The following AFF4 variants were observed in gnomAD, a reference collection of about 807,000 sequenced individuals.
The protein encoded by AFF4 is AF4/FMR2 family member 4.
Under a neutral mutation model 124.8 loss-of-function variants are expected in AFF4, and 13 were observed. The observed-to-expected ratio is 0.10, with a 90% CI of 0.07 to 0.17. The LOEUF is 0.17. Ranked by LOEUF, AFF4 falls within the 10% of genes least tolerant of loss-of-function variation. The probability of loss-of-function intolerance (pLI) is 1.00; values close to 1 mark genes in which losing one functional copy is unlikely to be tolerated. For missense variants in AFF4, 1,092 were observed against 1,403.8 expected, an observed-to-expected ratio of 0.78 and a Z score of 3.55; for synonymous variants, 477 against 496.1, an observed-to-expected ratio of 0.96 and a Z score of 0.51.
chr5:132,884,211 AGTT>A (rs1394777330), intron 19 of AFF4, among the ~76,000 whole-genome samples: 2 of 152,302 alleles, frequency 1.3e-5, no homozygotes, highest in Admixed American at 1.3e-4. Context: ...AAAAATCAAA[AGTT>A]GGGGTAAAAA....
intron 1 of AFF4, among the ~76,000 whole-genome samples, chr5:132,947,207 A>G (rs1761720384): frequency 6.6e-6 from 1 of 152,192 alleles, no homozygotes; most frequent in African/African-American, 2.4e-5. Context: ...GTTCAAGACC[A>G]GCCTGGCCAA....
Position 132,887,572 on chromosome 5 carries a change from T to C in AFF4, c.2954A>G (p.Asn985Ser). 6.2e-7 allele frequency: 1 copy of C among 1,613,768 alleles called. No individual in the cohort carries two copies. The highest frequency in any genetic ancestry group is 1.1e-5 in the South Asian group (1 of 91,080). The change falls in exon 17 of 21, where the codon AAT (asparagine) becomes AGT (serine). Residue 985 changes from asparagine (N) to serine (S), a missense_variant. By Grantham distance (46) the Asn-to-Ser change is conservative. Around this residue, in one of 11 missense-constraint regions of AFF4, gnomAD observed 173 missense variants for 294.9 expected, o/e 0.59. Coordinates refer to ENST00000265343, the MANE Select transcript of AFF4 (RefSeq NM_014423.4). ...DLIKYTMKLKNYLAPDATAAD... is the reference protein window; with the variant it reads ...DLIKYTMKLKSYLAPDATAAD... ...AGCTGTAGCATCTGGTGCCAAGTAA[T>C]TCTTTAGCTTCATAGTGTATCTGTT... is the stretch of plus-strand genomic sequence containing the variant.
intron 5 of AFF4, among the ~76,000 whole-genome samples, chr5:132,908,741 A>G (rs2150080625): frequency 6.8e-6 from 1 of 146,842 alleles, no homozygotes; most frequent in Non-Finnish European, 1.5e-5. Context: ...TATATAATCT[A>G]TACACTATAT....
At chr5:132,905,052 A>C (rs1341212875) in intron 5 of AFF4, among the ~76,000 whole-genome samples, 1 of 151,490 alleles carries the variant, frequency 6.6e-6, no homozygotes, top group Non-Finnish European at 1.5e-5. Context: ...CCATCTCAAA[A>C]AAAAAAAAAA....
At position 132,927,458 on chromosome 5, in the gene AFF4, A is replaced by C. The variant is rs1291194649; in HGVS notation, c.964-251T>G. ...ATGAAACCTGTGAATAGTTACAGAA[A>C]TCAGCCTGTAATCAAATACAAGGCA... On this transcript the variant is annotated intron_variant, in intron 4 of 20. Coordinates refer to ENST00000265343, the MANE Select transcript of AFF4 (RefSeq NM_014423.4). The C allele has an allele frequency of 1.0e-5, 4 of 381,688 alleles. No individual in the cohort carries two copies. The East Asian group carries it at 2.3e-4, about 22-fold the overall frequency. The allele number at this position is 381,688 out of a possible 1,614,324, so 23.6% of individuals were successfully genotyped here.
rs951095118 is a variant in AFF4, at chr5:132,875,622, CATATA to C, written c.*5432_*5436del. On this transcript the variant is annotated 3_prime_UTR_variant, in exon 21 of 21. Coordinates refer to ENST00000265343, the MANE Select transcript of AFF4 (RefSeq NM_014423.4). The stretch of plus-strand genomic sequence containing the variant: ...TCTATACTCTCAATACCACAAAATA[CATATA>C]ATATACTATACAGATGTGGAAAAAT... 6.6e-5 allele frequency: 13 copies of C among 196,460 alleles called. No individual in the cohort carries two copies. Among genetic ancestry groups the C allele is most frequent in the Admixed American group, 2.4e-4 (4 of 16,484 alleles). The allele number at this position is 196,460 out of a possible 1,614,324, so 12.2% of individuals were successfully genotyped here. A position where few individuals can be genotyped will look rare whatever the true frequency, so the allele number is the denominator to read the frequency against.
chr5:132,902,338 C>G (rs1364325138), intron 7 of AFF4, 104 bp downstream of exon 7: 1 of 966,346 alleles, frequency 1.0e-6, no homozygotes, highest in African/African-American at 1.6e-5. Context: ...GTCAGCCACC[C>G]TGCCCAGCCT....
At chr5:132,925,368 G>A (rs2150091936) in intron 5 of AFF4, among the ~76,000 whole-genome samples, 1 of 151,948 alleles carries the variant, frequency 6.6e-6, no homozygotes, top group South Asian at 2.1e-4. Context: ...AAGAGGGTAT[G>A]TTTATGATCC....
intron 1 of AFF4, chr5:132,943,068 G>A (rs958379377): frequency 1.0e-5 from 2 of 195,462 alleles, no homozygotes; most frequent in African/African-American, 2.3e-5. Flanking sequence ...ACTAGTTGAC[G>A]CCCCAAGACA....
intron 1 of AFF4, among the ~76,000 whole-genome samples, chr5:132,947,997 A>T (rs1761740678): frequency 3.3e-5 from 5 of 152,132 alleles, no homozygotes; most frequent in Admixed American, 3.3e-4. Flanking sequence ...TATTATGTGA[A>T]TTTCTTACTG....
rs1400692927 is a variant in AFF4 at position 132,897,118 on chromosome 5, C to T, written c.1512G>A (p.Lys504=). The T allele has an allele frequency of 2.5e-6, 4 of 1,614,064 alleles. No homozygotes were observed. The highest frequency in any genetic ancestry group is 3.4e-6 in the Non-Finnish European group (4 of 1,180,054). Residue 504 remains lysine (K), a synonymous_variant, in exon 11 of 21, where the codon AAG becomes AAA. Coordinates refer to ENST00000265343, the MANE Select transcript of AFF4 (RefSeq NM_014423.4). ...TCCCAGTGCCCTGCTCTCGGCCTTC[C>T]TTTTTGTAGCCTTGAGATGATGGGA... ...SNIPSSQGYK[K]EGREQGTGNS...
intron 4 of AFF4, among the ~76,000 whole-genome samples, chr5:132,928,138 C>T (rs972525638): frequency 2.0e-5 from 3 of 151,928 alleles, no homozygotes; most frequent in African/African-American, 7.3e-5. Flanking sequence ...GGGGCTCACA[C>T]TTCAAAAACT....
intron 1 of AFF4, among the ~76,000 whole-genome samples, chr5:132,952,139 T>C (rs1354214198): frequency 4.6e-5 from 7 of 152,230 alleles, no homozygotes; most frequent in Admixed American, 1.3e-4. Flanking sequence ...TCTTCTAGAA[T>C]AGACAGCTAG....
At chr5:132,932,112 AG>A in intron 4 of AFF4, 65 bp downstream of exon 4, 1 of 1,144,494 alleles carries the variant, frequency 8.7e-7, no homozygotes, top group South Asian at 1.5e-5. Flanking sequence ...AGGTAGAAAG[AG>A]GGTAAGAAGG....
At chr5:132,932,366 TTAAATA>T in intron 3 of AFF4, 144 bp from the exon 4 acceptor site, 1 of 527,388 alleles carries the variant, frequency 1.9e-6, no homozygotes, top group East Asian at 3.6e-5. Flanking sequence ...ATTAATTTCC[TTAAATA>T]TAAATTTTTC....
rs1381375783 is a variant in AFF4, at chr5:132,892,163, C to T, written c.2637+1G>A. ...AAAGCCCCAGGCCCCCAACACTTTA[C>T]CTTAACCTCCTTGGAGCTACTGGAA... is the stretch of plus-strand genomic sequence containing the variant. On this transcript the variant is annotated splice_donor_variant, in intron 13 of 20. Coordinates refer to ENST00000265343, the MANE Select transcript of AFF4 (RefSeq NM_014423.4). LOFTEE classifies it high-confidence loss of function. 1 of 1,614,160 alleles carries T rather than the reference C, an allele frequency of 6.2e-7. No homozygotes were observed. Among genetic ancestry groups the T allele is most frequent in the South Asian group, 1.1e-5 (1 of 91,084 alleles).
chr5:132,881,318 T>A (rs1405335359), intron 20 of AFF4, 132 bp from the exon 21 acceptor site: 1 of 962,920 alleles, frequency 1.0e-6, no homozygotes, highest in Admixed American at 3.1e-5. Context: ...ATGCTTACTG[T>A]CCATGTTTTA....
At position 132,887,906 on chromosome 5, in the gene AFF4, T is replaced by C; in HGVS notation, c.2873A>G (p.Lys958Arg). 6.2e-7 allele frequency: 1 copy of C among 1,613,942 alleles called. No individual in the cohort carries two copies. Among genetic ancestry groups the C allele is most frequent in the Non-Finnish European group, 8.5e-7 (1 of 1,179,976 alleles). Residue 958 changes from lysine (K) to arginine (R), a missense_variant, in exon 16 of 21, where the codon AAG becomes AGG. Physicochemically the swap from Lys to Arg is conservative, Grantham distance 26 (BLOSUM62 2). Around this residue, in one of 11 missense-constraint regions of AFF4, gnomAD observed 173 missense variants for 294.9 expected, o/e 0.59. Coordinates refer to ENST00000265343, the MANE Select transcript of AFF4 (RefSeq NM_014423.4). Reference protein sequence around the residue: ...SFIECGNALEKNAQESKSPFP... With the variant: ...SFIECGNALERNAQESKSPFP... ...TGGGGATTTGGATTCCTGAGCATTC[T>C]TCTCTAATGCATTCCCACATTCAAT...
rs542719289 is a variant in AFF4 at position 132,895,128 on chromosome 5, C to T, written c.2307+1195G>A. ...AATTAAATCCCACAGCCAAGTCCAG[C>T]GATCTGAGGCTGTGGGCTACAGGGG... On this transcript the variant is annotated intron_variant, in intron 11 of 20. Transcript: ENST00000265343. 9.9e-5 allele frequency among the ~76,000 whole-genome samples: 15 copies of T among 152,198 alleles called. No individual in the cohort carries two copies. The South Asian group carries it at 2.5e-3, about 25-fold the overall frequency.
Sources: gnomAD v4.1 joint callset for allele counts (sites outside exome capture counted in the v4.1 genomes callset) on GRCh38, gnomAD v4.1.1 for gene constraint, gnomAD v4.1.1 regional missense constraint, MANE v1.5 for transcripts, NCBI Gene and HGNC (gene_info 2026-07-23, HGNC 2026-07-21) for gene names.